CNTN4: variants seen among roughly 807,000 people sequenced by gnomAD.
CNTN4 encodes the protein contactin 4, also known as contactin-4.
In CNTN4, 77 loss-of-function variants were observed where a neutral mutation model predicts 122.5. The observed-to-expected ratio is 0.63, with a 90% CI of 0.52 to 0.76. CNTN4 has a LOEUF of 0.76. Among genes scored for constraint, CNTN4 ranks in the 30% least tolerant of loss-of-function variants. CNTN4 has a pLI of 0.00. For synonymous variants in CNTN4, 512 were observed against 447.0 expected (o/e 1.15, Z -1.83); for missense variants, 1,256 against 1,259.1 (o/e 1.00, Z 0.04).
intron 2 of CNTN4, among the ~76,000 whole-genome samples, chr3:2,307,261 C>T (rs1395742458): frequency 6.6e-6 from 1 of 152,056 alleles, no homozygotes. Context: ...CGGTGAAACC[C>T]CGTCTCTACT....
intron 2 of CNTN4, among the ~76,000 whole-genome samples, chr3:2,325,314 T>G (rs925199365): frequency 6.6e-6 from 1 of 152,228 alleles, no homozygotes; most frequent in Non-Finnish European, 1.5e-5. Context: ...TATTTTCCCA[T>G]TGAACATGCT....
At chr3:2,612,017 G>A (rs2081513057) in intron 4 of CNTN4, among the ~76,000 whole-genome samples, 1 of 112,558 alleles carries the variant, frequency 8.9e-6, no homozygotes, top group African/African-American at 3.5e-5. Context: ...ATTCTCAGGT[G>A]GTAACATTTT....
intron 3 of CNTN4, among the ~76,000 whole-genome samples, chr3:2,372,421 C>T (rs1042024180): frequency 1.3e-5 from 2 of 152,114 alleles, no homozygotes; most frequent in Non-Finnish European, 2.9e-5. Flanking sequence ...CCTTGTTTAC[C>T]ATAGGATGTG....
intron 2 of CNTN4, among the ~76,000 whole-genome samples, chr3:2,178,548 T>G (rs1341133590): frequency 6.6e-6 from 1 of 152,088 alleles, no homozygotes; most frequent in African/African-American, 2.4e-5. Context: ...GAATCAATGA[T>G]TAAATATTTA....
At chr3:2,130,739 T>C (rs2034411726) in intron 2 of CNTN4, among the ~76,000 whole-genome samples, 2 of 152,278 alleles carry the variant, frequency 1.3e-5, no homozygotes, top group South Asian at 4.1e-4. Flanking sequence ...AATAAACAGG[T>C]TTTTTGAATA....
intron 8 of CNTN4, among the ~76,000 whole-genome samples, chr3:2,877,180 G>C (rs865997885): frequency 4.6e-5 from 7 of 152,208 alleles, no homozygotes; most frequent in Non-Finnish European, 8.8e-5. Context: ...TGCTGAAAAA[G>C]AGTAGCCTAT....
intron 2 of CNTN4, among the ~76,000 whole-genome samples, chr3:2,190,928 G>T (rs1487099015): frequency 6.6e-6 from 1 of 151,532 alleles, no homozygotes; most frequent in Non-Finnish European, 1.5e-5. Flanking sequence ...TCAGATATTA[G>T]CTGGGCTGGT....
chr3:3,027,600 A>T (rs1698839610), intron 15 of CNTN4, among the ~76,000 whole-genome samples: 1 of 152,224 alleles, frequency 6.6e-6, no homozygotes. Context: ...GAAGGGTAAC[A>T]TTGATTGTAA....
At chr3:2,659,312 A>G (rs964604595) in intron 4 of CNTN4, among the ~76,000 whole-genome samples, 1 of 151,854 alleles carries the variant, frequency 6.6e-6, no homozygotes, top group African/African-American at 2.4e-5. Flanking sequence ...AAATACAAAA[A>G]TTAGCCAGGT....
intron 4 of CNTN4, among the ~76,000 whole-genome samples, chr3:2,623,050 T>C (rs1162176481): frequency 6.6e-6 from 1 of 152,218 alleles, no homozygotes; most frequent in African/African-American, 2.4e-5. Context: ...AAATCCATGC[T>C]GTGTTGTGGG....
At chr3:2,506,013 C>T (rs780520025) in intron 3 of CNTN4, among the ~76,000 whole-genome samples, 2 of 148,746 alleles carry the variant, frequency 1.3e-5, no homozygotes, top group Non-Finnish European at 3.0e-5. Flanking sequence ...AACAGACACT[C>T]GCTTTTTTTT....
intron 3 of CNTN4, chr3:2,511,458 G>A (rs78973668): frequency 0.011 from 1,654 of 152,352 alleles, 10 homozygotes; most frequent in Non-Finnish European, 0.018. Flanking sequence ...CCAGGAAGCT[G>A]GGTCCTCCTT....
chr3:2,586,992 C>G lies in CNTN4; in HGVS notation c.55+15434C>G, dbSNP rs531044070. Among the ~76,000 whole-genome samples the G allele has an allele frequency of 2.5e-4, 38 of 152,296 alleles. 1 individual carries two copies. The highest frequency in any genetic ancestry group is 3.4e-3 in the Middle Eastern group (1 of 294). Reference sequence around the variant, plus strand: ...ATTATATCTTAGCTTAGAATATAAACTTTTAGCTAATGAAATTTTCTTCAA... The same window carrying G: ...ATTATATCTTAGCTTAGAATATAAAGTTTTAGCTAATGAAATTTTCTTCAA... On this transcript the variant is annotated intron_variant, in intron 4 of 24. Transcript: ENST00000418658.
chr3:2,138,012 C>T (rs76432537), intron 2 of CNTN4, among the ~76,000 whole-genome samples: 2 of 151,788 alleles, frequency 1.3e-5, no homozygotes, highest in Middle Eastern at 3.5e-3. Context: ...AGTAAGTAGT[C>T]GGCTCTTTCA....
intron 2 of CNTN4, among the ~76,000 whole-genome samples, chr3:2,267,975 A>G (rs1004293349): frequency 1.5e-4 from 23 of 152,058 alleles, no homozygotes; most frequent in African/African-American, 5.3e-4. Flanking sequence ...CATATTCTGG[A>G]TATATGGCAG....
chr3:2,137,876 C>A (rs73806314), intron 2 of CNTN4, among the ~76,000 whole-genome samples: 1 of 152,116 alleles, frequency 6.6e-6, no homozygotes, highest in Non-Finnish European at 1.5e-5. Flanking sequence ...CCTGTGTTGC[C>A]ACTATGTAAA....
intron 2 of CNTN4, among the ~76,000 whole-genome samples, chr3:2,334,982 C>G (rs2043884711): frequency 6.6e-6 from 1 of 152,122 alleles, no homozygotes; most frequent in Non-Finnish European, 1.5e-5. Context: ...TAAAATCATC[C>G]TTTTTGACCT....
intron 3 of CNTN4, among the ~76,000 whole-genome samples, chr3:2,394,755 A>T (rs2046575155): frequency 6.6e-6 from 1 of 151,790 alleles, no homozygotes; most frequent in Non-Finnish European, 1.5e-5. Context: ...AAGAGAATTG[A>T]AAACATGTCT....
At chr3:2,454,972 A>T (rs1239519179) in intron 3 of CNTN4, among the ~76,000 whole-genome samples, 1 of 152,198 alleles carries the variant, frequency 6.6e-6, no homozygotes, top group Non-Finnish European at 1.5e-5. Context: ...AGAGTCTTTG[A>T]TTATAAATAA....
Sources: gnomAD v4.1 joint callset for allele counts (sites outside exome capture counted in the v4.1 genomes callset) on GRCh38, gnomAD v4.1.1 for gene constraint, MANE v1.5 for transcripts, NCBI Gene and HGNC (gene_info 2026-07-23, HGNC 2026-07-21) for gene names.